Variants in RBFOX1 observed in about 807,000 individuals in gnomAD.
RBFOX1 encodes the protein RNA binding protein fox-1 homolog 1.
In RBFOX1, 8 loss-of-function variants were observed where a neutral mutation model predicts 57.7. That is an observed-to-expected ratio of 0.14 (90% CI 0.08 to 0.25). The LOEUF is 0.25. Ranked by LOEUF, RBFOX1 falls within the 10% of genes least tolerant of loss-of-function variation. The probability of loss-of-function intolerance (pLI) is 1.00; values close to 1 mark genes in which losing one functional copy is unlikely to be tolerated. For synonymous variants in RBFOX1, 326 were observed against 222.4 expected (o/e 1.47, Z -4.15); for missense variants, 611 against 548.5 (o/e 1.11, Z -1.14).
At chr16:6,385,845 G>C (rs1344853077) in intron 2 of RBFOX1, among the ~76,000 whole-genome samples, 1 of 152,190 alleles carries the variant, frequency 6.6e-6, no homozygotes, top group Admixed American at 6.5e-5. Flanking sequence ...ATACTAGTCT[G>C]GGGGAAGAGT....
At chr16:5,866,105 T>C (rs1036123750) in intron 3 of RBFOX1, among the ~76,000 whole-genome samples, 3 of 152,160 alleles carry the variant, frequency 2.0e-5, no homozygotes, top group African/African-American at 7.2e-5. Context: ...GTAGCTGCGA[T>C]TACAGGTGCA....
intron 3 of RBFOX1, among the ~76,000 whole-genome samples, chr16:5,778,350 C>A (rs534687390): frequency 9.2e-5 from 14 of 152,156 alleles, no homozygotes; most frequent in African/African-American, 2.9e-4. Context: ...CAAGACAGGA[C>A]CCCCGACCTG....
intron 2 of RBFOX1, among the ~76,000 whole-genome samples, chr16:6,427,608 G>A (rs1305358486): frequency 6.6e-6 from 1 of 152,162 alleles, no homozygotes; most frequent in African/African-American, 2.4e-5. Flanking sequence ...AAAATGTTGA[G>A]GAGGACGTGG....
chr16:6,780,573 T>C (rs2080837945), intron 3 of RBFOX1, among the ~76,000 whole-genome samples: 1 of 132,804 alleles, frequency 7.5e-6, no homozygotes, highest in South Asian at 2.1e-4. Flanking sequence ...TATATATATT[T>C]ATATATATAT....
At chr16:7,383,782 C>T (rs985717710) in intron 4 of RBFOX1, among the ~76,000 whole-genome samples, 7 of 151,978 alleles carry the variant, frequency 4.6e-5, no homozygotes, top group Non-Finnish European at 8.8e-5. Flanking sequence ...TATGGCCTGG[C>T]GAGGTGGCTC....
chr16:7,245,458 T>TAAAC (rs5815383), intron 4 of RBFOX1, among the ~76,000 whole-genome samples: 99,731 of 151,776 alleles, frequency 0.66, 34,950 homozygotes, highest in African/African-American at 0.91. Flanking sequence ...AACTCAAGGT[T>TAAAC]AAACCATACC....
intron 3 of RBFOX1, among the ~76,000 whole-genome samples, chr16:7,010,414 C>G (rs1002261849): frequency 1.3e-5 from 2 of 152,144 alleles, no homozygotes; most frequent in Non-Finnish European, 2.9e-5. Flanking sequence ...TTATTATATG[C>G]ATTGGCCAGT....
intron 4 of RBFOX1, among the ~76,000 whole-genome samples, chr16:7,258,415 G>C (rs1250217788): frequency 6.6e-6 from 1 of 152,030 alleles, no homozygotes; most frequent in Non-Finnish European, 1.5e-5. Context: ...TTGACATTCT[G>C]TTTCACTGTG....
intron 3 of RBFOX1, among the ~76,000 whole-genome samples, chr16:6,938,300 C>A (rs192327038): frequency 1.3e-5 from 2 of 152,116 alleles, no homozygotes; most frequent in African/African-American, 4.8e-5. Flanking sequence ...TTTTTGGTAT[C>A]GTCACAAGGA....
At chr16:7,194,773 CA>C (rs1567656196) in intron 4 of RBFOX1, among the ~76,000 whole-genome samples, 1 of 141,228 alleles carries the variant, frequency 7.1e-6, no homozygotes, top group Non-Finnish European at 1.5e-5. Context: ...ACAAAAACTA[CA>C]AAAATTAGCT....
intron 2 of RBFOX1, among the ~76,000 whole-genome samples, chr16:6,579,728 G>C (rs1201958689): frequency 6.6e-6 from 1 of 151,980 alleles, no homozygotes; most frequent in Non-Finnish European, 1.5e-5. Flanking sequence ...AGCAGCGTGG[G>C]AACAGACTAA....
intron 2 of RBFOX1, among the ~76,000 whole-genome samples, chr16:6,510,321 T>C (rs1293337492): frequency 6.6e-6 from 1 of 152,138 alleles, no homozygotes; most frequent in Admixed American, 6.6e-5. Context: ...GTTTTTGAGA[T>C]TTGAACTGCT....
chr16:6,614,980 C>T (rs191975534), intron 2 of RBFOX1, among the ~76,000 whole-genome samples: 13 of 152,254 alleles, frequency 8.5e-5, no homozygotes, highest in Non-Finnish European at 1.8e-4. Context: ...TCCCAATTAC[C>T]AGTCGAATTG....
At chr16:7,181,101 G>C (rs2082606903) in intron 4 of RBFOX1, among the ~76,000 whole-genome samples, 1 of 152,200 alleles carries the variant, frequency 6.6e-6, no homozygotes, top group South Asian at 2.1e-4. Context: ...TGCTATCAAG[G>C]AATGACCAGG....
rs201222067 is a variant in RBFOX1 at position 6,829,486 on chromosome 16, A to AAC, written c.-16+174837_-16+174838insCA. Reference sequence around the variant, plus strand: ...ATGAAATACCACTCAACCATTAAAAAAAAAAAAAACAAAAAAACGTTAACT... The same window carrying AAC: ...ATGAAATACCACTCAACCATTAAAAAACAAAAAAAAACAAAAAAACGTTAACT... On this transcript the variant is annotated intron_variant, in intron 3 of 15. Coordinates refer to ENST00000550418, the MANE Select transcript of RBFOX1 (RefSeq NM_018723.4). 9.7e-3 allele frequency among the ~76,000 whole-genome samples: 1,461 copies of AAC among 149,896 alleles called. 32 individuals are homozygous for AAC. The highest frequency in any genetic ancestry group is 0.035 in the African/African-American group (1,388 of 39,922).
At chr16:5,631,018 C>T (rs2048489499) in intron 3 of RBFOX1, among the ~76,000 whole-genome samples, 1 of 152,186 alleles carries the variant, frequency 6.6e-6, no homozygotes, top group Non-Finnish European at 1.5e-5. Context: ...TTGGAAGGGT[C>T]GCACTTGTAT....
At chr16:7,074,112 C>G (rs898814843) in intron 4 of RBFOX1, among the ~76,000 whole-genome samples, 3 of 152,118 alleles carry the variant, frequency 2.0e-5, no homozygotes, top group Non-Finnish European at 2.9e-5. Flanking sequence ...TGTTTTCTGT[C>G]TCTTTTAAGG....
intron 3 of RBFOX1, among the ~76,000 whole-genome samples, chr16:6,968,834 T>A (rs1239467806): frequency 6.6e-6 from 1 of 151,628 alleles, no homozygotes; most frequent in Non-Finnish European, 1.5e-5. Context: ...TTTTTTTTTT[T>A]AAAGAAAACC....
intron 3 of RBFOX1, among the ~76,000 whole-genome samples, chr16:6,674,714 G>A (rs766349527): frequency 2.6e-5 from 4 of 152,052 alleles, no homozygotes; most frequent in African/African-American, 4.8e-5. Flanking sequence ...AGACTGGAGA[G>A]ATGCACATAC....
Sources: gnomAD v4.1 joint callset for allele counts (sites outside exome capture counted in the v4.1 genomes callset) on GRCh38, gnomAD v4.1.1 for gene constraint, MANE v1.5 for transcripts, NCBI Gene and HGNC (gene_info 2026-07-23, HGNC 2026-07-21) for gene names.